Variants in OBSL1 observed in about 807,000 individuals in gnomAD.
OBSL1 encodes obscurin like cytoskeletal adaptor 1.
OBSL1 carries 160 observed loss-of-function variants against 172.0 expected under a neutral mutation model. The ratio of observed to expected loss-of-function variants is 0.93; its 90% CI spans 0.82 to 1.06. The LOEUF (loss-of-function observed/expected upper bound fraction) is 1.06. Among genes scored for constraint, OBSL1 ranks in the 50% least tolerant of loss-of-function variants. The probability of loss-of-function intolerance (pLI) is 0.00; values close to 1 mark genes in which losing one functional copy is unlikely to be tolerated. For synonymous variants in OBSL1, 1,200 were observed against 1,196.3 expected (o/e 1.00, Z -0.06); for missense variants, 2,681 against 2,715.4 (o/e 0.99, Z 0.28).
At chr2:219,555,493 TG>T in intron 14 of OBSL1, 1 of 274,960 alleles carries the variant, frequency 3.6e-6, no homozygotes, top group Non-Finnish European at 5.6e-6. Context: ...TTGCCCAGGA[TG>T]GCCTCGAACT....
chr2:219,567,049 G>C lies in OBSL1; in HGVS notation c.1915C>G (p.Leu639Val). 24 of 1,613,388 alleles carry C rather than the reference G, an allele frequency of 1.5e-5. No individual in the cohort carries two copies. The highest frequency in any genetic ancestry group is 2.0e-5 in the Non-Finnish European group (24 of 1,179,792). The change falls in exon 5 of 21, where the codon CTC becomes GTC. Residue 639 changes from leucine to valine, a missense_variant. Physicochemically the swap from Leu to Val is conservative, Grantham distance 32. Coordinates refer to ENST00000404537, the MANE Select transcript of OBSL1 (RefSeq NM_015311.3). Reference sequence around the variant, plus strand: ...CAGGTACCCTGGATGATGGTGGAGAGATCGAGGGAGAAGACGGCATCTTCC... The same window carrying C: ...CAGGTACCCTGGATGATGGTGGAGACATCGAGGGAGAAGACGGCATCTTCC... ...DGEDAVFSLD[L>V]STIIQGTWFL...
Position 219,570,688 on chromosome 2 carries a change from C to T in OBSL1, c.545G>A (p.Gly182Asp). 4.0e-6 allele frequency: 6 copies of T among 1,508,896 alleles called. No homozygotes were observed. The highest frequency in any genetic ancestry group is 5.3e-6 in the Non-Finnish European group (6 of 1,134,932). 93.5% of individuals were successfully genotyped at this position (1,508,896 alleles called of 1,614,324 possible). The change falls in exon 1 of 21, where the codon GGC (glycine) becomes GAC (aspartate). Residue 182 changes from glycine to aspartate, a missense_variant. Gly to Asp is a moderately conservative substitution (Grantham distance 94, BLOSUM62 -1). Around this residue, in one of 5 missense-constraint regions of OBSL1, gnomAD observed 706 missense variants for 695.8 expected, o/e 1.01. Coordinates refer to ENST00000404537, the MANE Select transcript of OBSL1 (RefSeq NM_015311.3). ...WDSSHFALQP[G>D]RAEDGPGASL... ...CGCGCCGGGGCCGTCCTCGGCGCGG[C>T]CCGGCTGGAGCGCGAAGTGGCTGCT...
At chr2:219,562,930 C>T (rs1696597541) in intron 7 of OBSL1, 2 of 553,510 alleles carry the variant, frequency 3.6e-6, no homozygotes, top group Non-Finnish European at 6.4e-6. Context: ...TGTAGAAACG[C>T]TCCACATTCT....
At chr2:219,547,356 G>A (rs137907957), downstream of OBSL1, 499 of 590,992 alleles carry the variant, frequency 8.4e-4, 1 homozygote, top group African/African-American at 8.2e-3. Context: ...CATCACTGAT[G>A]CCGTCATGAC....
In OBSL1 at chr2:219,557,635, G is replaced by T. The variant is rs2106034309; in HGVS notation, c.3791-17C>A. 6.6e-7 allele frequency: 1 copy of T among 1,521,132 alleles called. No individual in the cohort carries two copies. Among genetic ancestry groups the T allele is most frequent in the Non-Finnish European group, 8.8e-7 (1 of 1,132,278 alleles). 94.2% of individuals were successfully genotyped at this position (1,521,132 alleles called of 1,614,324 possible). A position where few individuals can be genotyped will look rare whatever the true frequency, so the allele number is the denominator to read the frequency against. Reference sequence around the variant, plus strand: ...CAGGGGGCTCTGTGGAGTCAGAGCTGGAGGTCACTGGGAGGGAGAGGCTCA... The same window carrying T: ...CAGGGGGCTCTGTGGAGTCAGAGCTTGAGGTCACTGGGAGGGAGAGGCTCA... On this transcript the variant is annotated splice_polypyrimidine_tract_variant and intron_variant, in intron 11 of 20. Transcript: ENST00000404537.
rs762127341 is a variant in OBSL1, at chr2:219,558,323, C to T, written c.3363G>A (p.Val1121=). Residue 1121 remains valine (V), a synonymous_variant, in exon 10 of 21, where the codon GTG becomes GTA. Transcript: ENST00000404537. ...QVRWYKDGLE[V]EASDALQLGA... ...CCAGCTGCAGGGCATCTGATGCCTC[C>T]ACTTCCAGCCCGTCCTTGTACCAGC... 37 of 1,612,654 alleles carry T rather than the reference C, an allele frequency of 2.3e-5. No individual in the cohort carries two copies. The highest frequency in any genetic ancestry group is 4.0e-5 in the African/African-American group (3 of 74,926).
intron 18 of OBSL1, 127 bp from the exon 19 acceptor site, chr2:219,552,343 A>G: frequency 1.1e-6 from 1 of 948,112 alleles, no homozygotes; most frequent in Non-Finnish European, 1.6e-6. Context: ...TGGGCGGAAC[A>G]GGGATGCGGA....
intron 8 of OBSL1, among the ~76,000 whole-genome samples, chr2:219,561,277 C>G (rs1034688460): frequency 3.9e-5 from 6 of 152,064 alleles, no homozygotes; most frequent in Non-Finnish European, 8.8e-5. Flanking sequence ...CTGTGCCCCC[C>G]AGAGCTGCCT....
At position 219,570,845 on chromosome 2, in the gene OBSL1, A is replaced by G; in HGVS notation, c.388T>C (p.Phe130Leu). 6.9e-7 allele frequency: 1 copy of G among 1,445,822 alleles called. No individual in the cohort carries two copies. Among genetic ancestry groups the G allele is most frequent in the Non-Finnish European group, 9.1e-7 (1 of 1,101,932 alleles). The allele number at this position is 1,445,822 out of a possible 1,614,324, so 89.6% of individuals were successfully genotyped here. A position where few individuals can be genotyped will look rare whatever the true frequency, so the allele number is the denominator to read the frequency against. ...SPGSGEGAPVFLTGPRSQWVL... is the reference protein window; with the variant it reads ...SPGSGEGAPVLLTGPRSQWVL... ...CACTGGGATCGAGGCCCCGTGAGGAAGACCGGGGCGCCCTCCCCGGACCCC... is the reference window on the plus strand; with the variant it reads ...CACTGGGATCGAGGCCCCGTGAGGAGGACCGGGGCGCCCTCCCCGGACCCC... Residue 130 changes from phenylalanine (F) to leucine (L), a missense_variant, in exon 1 of 21, where the codon TTC (phenylalanine) becomes CTC (leucine). By Grantham distance (22) the Phe-to-Leu change is conservative. Around this residue, in one of 5 missense-constraint regions of OBSL1, gnomAD observed 706 missense variants for 695.8 expected, o/e 1.01. Coordinates refer to ENST00000404537, the MANE Select transcript of OBSL1 (RefSeq NM_015311.3).
chr2:219,547,330 C>T, downstream of OBSL1: 1 of 498,244 alleles, frequency 2.0e-6, no homozygotes, highest in East Asian at 3.1e-5. Context: ...CTAACCTCCC[C>T]TGACCTCAAT....
At chr2:219,552,413 G>A in intron 18 of OBSL1, 123 bp downstream of exon 18, 1 of 1,019,288 alleles carries the variant, frequency 9.8e-7, no homozygotes, top group South Asian at 1.6e-5. Flanking sequence ...CAGGGACGAG[G>A]CTCACAGGGC....
chr2:219,570,963 G>A lies in OBSL1; in HGVS notation c.270C>T (p.Ala90=). ...GVYVCRARNA[A]GEAYAAAAVT... The stretch of plus-strand genomic sequence containing the variant: ...CGGCGGCCGCCGCGTAGGCCTCGCC[G>A]GCCGCGTTGCGGGCGCGGCACACGT... The change falls in exon 1 of 21, where the codon GCC becomes GCT. Residue 90 remains alanine (A), a synonymous_variant. Transcript: ENST00000404537. The A allele has an allele frequency of 2.3e-6, 3 of 1,283,496 alleles. No homozygotes were observed. Among genetic ancestry groups the A allele is most frequent in the East Asian group, 6.3e-5 (2 of 31,812 alleles). The allele number at this position is 1,283,496 out of a possible 1,614,324, so 79.5% of individuals were successfully genotyped here.
At position 219,558,061 on chromosome 2, in the gene OBSL1, A is replaced by T; in HGVS notation, c.3552T>A (p.Cys1184Ter). 6.2e-7 allele frequency: 1 copy of T among 1,613,674 alleles called. No homozygotes were observed. The highest frequency in any genetic ancestry group is 8.5e-7 in the Non-Finnish European group (1 of 1,179,864). The change falls in exon 11 of 21, where the codon TGT (cysteine) becomes TGA (stop). Residue 1184 changes from cysteine to a stop codon, truncating the protein, a stop_gained. Coordinates refer to ENST00000404537, the MANE Select transcript of OBSL1 (RefSeq NM_015311.3). LOFTEE classifies it high-confidence loss of function. ...GCACCACTGGCTCCCCAGGGGCCAC[A>T]CAGAGCGGGCTTGGAGTTGTCTCTA... is the stretch of plus-strand genomic sequence containing the variant. ...LALETTPSPL[C>*]VAPGEPVVLS...
rs550340452 is a variant in OBSL1, at chr2:219,554,642, C to T, written c.4708G>A (p.Gly1570Arg). The T allele has an allele frequency of 2.4e-5, 38 of 1,610,222 alleles. No homozygotes were observed. The highest frequency in any genetic ancestry group is 1.7e-4 in the Middle Eastern group (1 of 6,054). ...TGTACTCCACCCCGGGCCCACTCCCCGGTCACACCTTCCTGGGACAGCTCC... is the reference window on the plus strand; with the variant it reads ...TGTACTCCACCCCGGGCCCACTCCCTGGTCACACCTTCCTGGGACAGCTCC... ...QLELSQEGVT[G>R]EWARGGVQLY... The change falls in exon 15 of 21, where the codon GGG becomes AGG. Residue 1570 changes from glycine (G) to arginine (R), a missense_variant. Physicochemically the swap from Gly to Arg is moderately radical, Grantham distance 125. Transcript: ENST00000404537.
At chr2:219,554,318 A>AG in intron 15 of OBSL1, 156 bp downstream of exon 15, 1 of 918,644 alleles carries the variant, frequency 1.1e-6, no homozygotes. Flanking sequence ...AGGGCCTATG[A>AG]GTCAGGGGGA....
At chr2:219,552,511 C>A in intron 18 of OBSL1, 25 bp downstream of exon 18, 2 of 1,585,130 alleles carry the variant, frequency 1.3e-6, no homozygotes, top group Non-Finnish European at 1.7e-6. Flanking sequence ...GCGAGGGGCC[C>A]GAAAGGGTAA....
At chr2:219,560,560 C>G (rs1696383811) in intron 8 of OBSL1, among the ~76,000 whole-genome samples, 2 of 147,056 alleles carry the variant, frequency 1.4e-5, no homozygotes, top group South Asian at 4.6e-4. Context: ...CCTCTGGCCC[C>G]CTGGTGGCTG....
chr2:219,558,180 C>T lies in OBSL1; in HGVS notation c.3502+4G>A. 1 of 1,607,798 alleles carries T rather than the reference C, an allele frequency of 6.2e-7. No homozygotes were observed. Among genetic ancestry groups the T allele is most frequent in the Non-Finnish European group, 8.5e-7 (1 of 1,175,158 alleles). On this transcript the variant is annotated splice_donor_region_variant and intron_variant, in intron 10 of 20. Transcript: ENST00000404537. ...CCTGCCCTGGGTTGGCCAGGAGCAC[C>T]CACCAGCCAGGATGACATTGAAGGT...
intron 19 of OBSL1, 29 bp downstream of exon 19, chr2:219,552,083 T>C (rs1306935936): frequency 6.4e-7 from 1 of 1,563,042 alleles, no homozygotes; most frequent in Non-Finnish European, 8.7e-7. Context: ...GGATGTACAC[T>C]CTCTGTCGCT....
Sources: allele counts gnomAD v4.1 joint callset (sites outside exome capture counted in the v4.1 genomes callset), GRCh38; gene constraint gnomAD v4.1.1; regional missense constraint gnomAD v4.1.1; transcripts MANE v1.5; gene names NCBI Gene and HGNC (gene_info 2026-07-23, HGNC 2026-07-21).